The following NLRC5 variants were observed in gnomAD, a reference collection of about 807,000 sequenced individuals.
NLRC5 encodes protein NLRC5.
NLRC5 carries 114 observed loss-of-function variants against 206.9 expected under a neutral mutation model. That is an observed-to-expected ratio of 0.55 (90% CI 0.47 to 0.64). The LOEUF (loss-of-function observed/expected upper bound fraction) is 0.64. Ranked by LOEUF, NLRC5 falls within the 30% of genes least tolerant of loss-of-function variation. NLRC5 has a pLI of 0.00. For synonymous variants in NLRC5, 952 were observed against 962.8 expected (o/e 0.99, Z 0.21); for missense variants, 2,008 against 2,305.5 (o/e 0.87, Z 2.64).
rs369584836 is a variant in NLRC5 at position 57,025,526 on chromosome 16, A to G, written c.583A>G (p.Ile195Val). 9.9e-6 allele frequency: 16 copies of G among 1,613,364 alleles called. No individual in the cohort carries two copies. Among genetic ancestry groups the G allele is most frequent in the African/African-American group, 2.7e-5 (2 of 74,876 alleles). ...TASLDTPEGA[I>V]MGDVKVEDGA... ...ATCCTTAGACACTCCGGAGGGGGCCATTATGGGGGACGTCAAGGTGGAAGA... is the reference window on the plus strand; with the variant it reads ...ATCCTTAGACACTCCGGAGGGGGCCGTTATGGGGGACGTCAAGGTGGAAGA... The change falls in exon 6 of 49, where the codon ATT becomes GTT. Residue 195 changes from isoleucine (I) to valine (V), a missense_variant. Ile to Val is a conservative substitution (Grantham distance 29). Coordinates refer to ENST00000688547, the MANE Select transcript of NLRC5 (RefSeq NM_001384950.1).
chr16:56,993,030 G>A (rs773085806), intron 1 of NLRC5, among the ~76,000 whole-genome samples: 2 of 144,448 alleles, frequency 1.4e-5, no homozygotes, highest in Non-Finnish European at 3.1e-5. Flanking sequence ...GACAACCAAT[G>A]TTATCAGGTT....
rs199476001 is a variant in NLRC5, at chr16:57,059,081, C to G, written c.3920+20C>G. ...AGTGAAGTAAGGGGATGTTGGTCCC[C>G]GAAAAGCCCCTTTCTGCTGGCCAAC... On this transcript the variant is annotated intron_variant, in intron 29 of 48. Transcript: ENST00000688547. The G allele has an allele frequency of 1.2e-6, 2 of 1,613,478 alleles. No homozygotes were observed. The highest frequency in any genetic ancestry group is 3.3e-5 in the Admixed American group (2 of 60,008).
intron 1 of NLRC5, among the ~76,000 whole-genome samples, chr16:56,993,016 C>T (rs867196299): frequency 2.7e-5 from 4 of 148,538 alleles, no homozygotes; most frequent in East Asian, 4.0e-4. Flanking sequence ...TTGCCCTCCC[C>T]GAAGACAACC....
At chr16:56,997,870 T>C (rs539453617) in intron 1 of NLRC5, among the ~76,000 whole-genome samples, 1 of 152,310 alleles carries the variant, frequency 6.6e-6, no homozygotes, top group South Asian at 2.1e-4. Flanking sequence ...TGTGAGCCAC[T>C]ATGCCCAGCA....
At chr16:57,013,434 G>T in intron 1 of NLRC5, 1 of 662,072 alleles carries the variant, frequency 1.5e-6, no homozygotes, top group Middle Eastern at 2.8e-4. Flanking sequence ...AAGTTCCAAA[G>T]TGTTTCTGAT....
intron 1 of NLRC5, among the ~76,000 whole-genome samples, chr16:57,003,369 G>A (rs185046028): frequency 6.6e-6 from 1 of 152,260 alleles, no homozygotes; most frequent in Non-Finnish European, 1.5e-5. Context: ...TTTGTATCAT[G>A]TGCCAGGTTC....
chr16:57,067,965 G>T (rs984068939), intron 36 of NLRC5, 137 bp downstream of exon 36: 4 of 680,380 alleles, frequency 5.9e-6, no homozygotes, highest in African/African-American at 3.6e-5. Flanking sequence ...GGTGGCCCTG[G>T]AGATGATTTT....
intron 24 of NLRC5, among the ~76,000 whole-genome samples, chr16:57,052,238 C>T (rs1173253445): frequency 2.0e-5 from 3 of 152,116 alleles, no homozygotes; most frequent in Admixed American, 6.6e-5. Flanking sequence ...TTTGGGAGGC[C>T]GAGGCGGGCA....
At chr16:57,049,520 G>A (rs2064537696) in intron 23 of NLRC5, among the ~76,000 whole-genome samples, 1 of 151,958 alleles carries the variant, frequency 6.6e-6, no homozygotes, top group Admixed American at 6.6e-5. Flanking sequence ...GCTGGATCAT[G>A]AGGTCAGGAG....
At chr16:57,006,888 C>CATTATTATTATTATTATTATTATT (rs9302685) in intron 1 of NLRC5, among the ~76,000 whole-genome samples, 10 of 144,050 alleles carry the variant, frequency 6.9e-5, no homozygotes, top group Non-Finnish European at 7.6e-5. Flanking sequence ...ACCGTTAACA[C>CATTATTATTATTATTATTATTATT]ATTATTATTA....
intron 1 of NLRC5, among the ~76,000 whole-genome samples, chr16:57,011,871 A>T (rs77339358): frequency 0.02 from 3,003 of 152,320 alleles, 191 homozygotes; most frequent in East Asian, 0.15. Context: ...GTTAATTTCT[A>T]CTGCATTATT....
chr16:57,078,089 T>A (rs75220858), intron 43 of NLRC5, 69 bp downstream of exon 43: 15 of 1,317,932 alleles, frequency 1.1e-5, no homozygotes, highest in East Asian at 7.5e-5. Context: ...AGTGGGGGGG[T>A]CCAGGCCCCC....
chr16:57,077,050 G>A, intron 40 of NLRC5, 148 bp downstream of exon 40: 3 of 776,254 alleles, frequency 3.9e-6, no homozygotes. Context: ...GGGCCTAGAA[G>A]CTTGGGGGAC....
intron 35 of NLRC5, 74 bp from the exon 36 acceptor site, chr16:57,067,661 AC>A: frequency 1.4e-6 from 2 of 1,477,822 alleles, no homozygotes; most frequent in South Asian, 2.3e-5. Flanking sequence ...CTCTCTTGGC[AC>A]CCCCTTCTGG....
chr16:57,069,159 T>C (rs750807936), intron 36 of NLRC5, among the ~76,000 whole-genome samples: 1 of 152,262 alleles, frequency 6.6e-6, no homozygotes. Flanking sequence ...TTTAAGATTA[T>C]GTATTAAGTC....
In NLRC5 at chr16:57,028,054, C is replaced by G; in HGVS notation, c.2076-18C>G. On this transcript the variant is annotated intron_variant, in intron 6 of 48. Coordinates refer to ENST00000688547, the MANE Select transcript of NLRC5 (RefSeq NM_001384950.1). ...GCCCAGCACTGATCCTCTGACACTT[C>G]GCTTCTTCTTATGGCAGCTTTAAGA... is the stretch of plus-strand genomic sequence containing the variant. 1 of 1,601,010 alleles carries G rather than the reference C, an allele frequency of 6.2e-7. No individual in the cohort carries two copies. The highest frequency in any genetic ancestry group is 8.6e-7 in the Non-Finnish European group (1 of 1,169,282).
At chr16:57,078,542 G>A (rs2068733444) in intron 43 of NLRC5, among the ~76,000 whole-genome samples, 1 of 148,706 alleles carries the variant, frequency 6.7e-6, no homozygotes, top group African/African-American at 2.5e-5. Flanking sequence ...TGCAACCTCG[G>A]CTCACTGCAA....
Position 57,079,147 on chromosome 16 carries a change from G to A in NLRC5, c.5165+14G>A. The A allele has an allele frequency of 6.2e-7, 1 of 1,614,038 alleles. No homozygotes were observed. On this transcript the variant is annotated intron_variant, in intron 44 of 48. Coordinates refer to ENST00000688547, the MANE Select transcript of NLRC5 (RefSeq NM_001384950.1). ...GGAAGAGATCAGGTAAGTAGGGGCT[G>A]CCCAGCCCAGGCACGGGGACAGTCC...
Position 57,039,771 on chromosome 16 carries a change from G to C in NLRC5, c.2802-10G>C, listed in dbSNP as rs864750. The C allele has an allele frequency of 0.82, 1,323,476 of 1,612,670 alleles. 544,545 individuals carry two copies. Among genetic ancestry groups the C allele is most frequent in the East Asian group, 0.94 (42,291 of 44,868 alleles). ...CCTCTCGCTTCCTCACCCCTCTTTT[G>C]TCTTCACAGCCTGCAGCACAAAACT... On this transcript the variant is annotated splice_polypyrimidine_tract_variant and intron_variant, in intron 15 of 48. Transcript: ENST00000688547.
Sources: allele counts gnomAD v4.1 joint callset (sites outside exome capture counted in the v4.1 genomes callset), GRCh38; gene constraint gnomAD v4.1.1; transcripts MANE v1.5; gene names NCBI Gene and HGNC (gene_info 2026-07-23, HGNC 2026-07-21).